Variants in PRH1 observed in about 807,000 individuals in gnomAD.
The protein encoded by PRH1 is salivary acidic proline-rich phosphoprotein 1/2.
Under a neutral mutation model 7.9 loss-of-function variants are expected in PRH1, and 7 were observed. The ratio of observed to expected loss-of-function variants is 0.89; its 90% CI spans 0.50 to 1.67. The LOEUF (loss-of-function observed/expected upper bound fraction) is 1.67, where lower values mean the gene tolerates loss of function less well. Among genes scored for constraint, PRH1 ranks in the 40% most tolerant of loss-of-function variants. PRH1 has a pLI of 0.00. For missense variants in PRH1, 109 were observed against 223.6 expected (o/e 0.49, Z 3.27); for synonymous variants, 45 against 80.8 (o/e 0.56, Z 2.38).
chr12:10,972,756 G>A (rs887977234), intron 2 of PRH1, among the ~76,000 whole-genome samples: 1 of 152,080 alleles, frequency 6.6e-6, no homozygotes, highest in African/African-American at 2.4e-5. Context: ...AAGTGAATTT[G>A]TTTTCCTCAG....
chr12:11,113,822 AC>A, intron 1 of PRH1, among the ~76,000 whole-genome samples: 1 of 152,136 alleles, frequency 6.6e-6, no homozygotes. Context: ...TAAACAAACA[AC>A]CCCATCAAAA....
intron 1 of PRH1, among the ~76,000 whole-genome samples, chr12:11,063,877 C>A (rs761681727): frequency 8.6e-5 from 13 of 152,026 alleles, no homozygotes; most frequent in Non-Finnish European, 1.6e-4. Context: ...AGTTGTATAA[C>A]AATGTATACA....
intron 1 of PRH1, chr12:11,046,919 G>A (rs755962411): frequency 4.9e-5 from 21 of 428,908 alleles, no homozygotes; most frequent in Middle Eastern, 6.8e-4. Context: ...GGCATCATCC[G>A]GAGATGATAC....
rs866841609 is a variant in PRH1 at position 11,087,326 on chromosome 12, T to A, written n.124-40138A>T. Among the ~76,000 whole-genome samples the A allele has an allele frequency of 1.4e-4, 17 of 117,428 alleles. 1 individual carries two copies. The South Asian group carries it at 3.9e-3, about 27-fold the overall frequency. The allele number at this position is 117,428 out of a possible 152,430, so 77.0% of individuals were successfully genotyped here. A position where few individuals can be genotyped will look rare whatever the true frequency, so the allele number is the denominator to read the frequency against. ...TATGTTGCAAAGGGAACTCCTGCTC[T>A]CAAGGGGTCCTCCCACCTTGGCCTC... On this transcript the variant is annotated intron_variant and non_coding_transcript_variant, in intron 1 of 4. Coordinates refer to the PRH1 transcript ENST00000541977.
At chr12:11,140,303 T>C (rs1467104761) in intron 1 of PRH1, among the ~76,000 whole-genome samples, 3 of 152,082 alleles carry the variant, frequency 2.0e-5, no homozygotes, top group Admixed American at 6.6e-5. Context: ...AATATAAAAA[T>C]AGACAACAAG....
upstream of PRH1, among the ~76,000 whole-genome samples, chr12:11,051,280 T>C (rs756634892): frequency 6.6e-6 from 1 of 152,178 alleles, no homozygotes; most frequent in Non-Finnish European, 1.5e-5. Flanking sequence ...GGAAACATCT[T>C]GTCAAATTTT....
At chr12:11,155,872 A>T (rs1947232967) in intron 1 of PRH1, among the ~76,000 whole-genome samples, 1 of 152,162 alleles carries the variant, frequency 6.6e-6, no homozygotes, top group Non-Finnish European at 1.5e-5. Flanking sequence ...TATGCATTGA[A>T]TTTGATACTC....
At chr12:11,107,101 T>C (rs1401672538) in intron 1 of PRH1, among the ~76,000 whole-genome samples, 4 of 152,006 alleles carry the variant, frequency 2.6e-5, no homozygotes, top group Non-Finnish European at 5.9e-5. Context: ...TCTCAAACAT[T>C]TGTGTCCTCC....
intron 1 of PRH1, among the ~76,000 whole-genome samples, chr12:11,127,467 A>T (rs1198550049): frequency 6.6e-6 from 1 of 152,296 alleles, no homozygotes; most frequent in African/African-American, 2.4e-5. Flanking sequence ...TCAATGCCAG[A>T]TTTATGGAGA....
chr12:11,020,194 A>C (rs1444349828), intron 1 of PRH1, among the ~76,000 whole-genome samples: 1 of 152,252 alleles, frequency 6.6e-6, no homozygotes, highest in Non-Finnish European at 1.5e-5. Context: ...CTGATTTACC[A>C]CATCAAATTA....
At chr12:11,140,258 C>T (rs1260950649) in intron 1 of PRH1, among the ~76,000 whole-genome samples, 2 of 151,868 alleles carry the variant, frequency 1.3e-5, no homozygotes. Flanking sequence ...GATTGTTTAA[C>T]AACTCCTAAA....
At chr12:10,923,085 C>G (rs1247127555) in intron 2 of PRH1, among the ~76,000 whole-genome samples, 1 of 150,912 alleles carries the variant, frequency 6.6e-6, no homozygotes, top group Non-Finnish European at 1.5e-5. Flanking sequence ...GCCTCGGCCT[C>G]CCAAAGTGCT....
intron 2 of PRH1, chr12:10,930,137 CAG>C (rs761939341): frequency 6.9e-5 from 74 of 1,074,406 alleles, no homozygotes; most frequent in Non-Finnish European, 9.4e-5. Flanking sequence ...CCGGTAGCAT[CAG>C]AGAGTGGCTG....
Position 11,096,147 on chromosome 12 carries a change from C to T in PRH1, n.124-48959G>A, listed in dbSNP as rs868083951. 2.9e-4 allele frequency among the ~76,000 whole-genome samples: 34 copies of T among 116,164 alleles called. 8 individuals carry two copies. Among genetic ancestry groups the T allele is most frequent in the Admixed American group, 5.2e-4 (6 of 11,586 alleles). The allele number at this position is 116,164 out of a possible 152,430, so 76.2% of individuals were successfully genotyped here. ...CACTTTTGGAAAAATCTCCACATTG[C>T]TTCTGCCCCATTTGCTCTCTTCTAA... On this transcript the variant is annotated intron_variant and non_coding_transcript_variant, in intron 1 of 4. Transcript: ENST00000541977.
At chr12:11,022,233 G>C (rs759942495) in intron 1 of PRH1, 1 of 1,614,148 alleles carries the variant, frequency 6.2e-7, no homozygotes, top group Non-Finnish European at 8.5e-7. Flanking sequence ...TAAGGTTGGA[G>C]AAATTGGCAA....
At chr12:10,995,373 T>A (rs1439400351) in intron 1 of PRH1, among the ~76,000 whole-genome samples, 2 of 152,104 alleles carry the variant, frequency 1.3e-5, no homozygotes, top group Non-Finnish European at 2.9e-5. Flanking sequence ...TATCTTAAGG[T>A]TTAGATAATA....
chr12:11,067,779 C>G (rs1943890212), intron 1 of PRH1, among the ~76,000 whole-genome samples: 2 of 152,162 alleles, frequency 1.3e-5, no homozygotes. Context: ...GGGAGAATTA[C>G]TTGAGCCTGG....
intron 2 of PRH1, chr12:10,895,669 G>A (rs1024902031): frequency 6.6e-6 from 1 of 152,118 alleles, no homozygotes; most frequent in African/African-American, 2.4e-5. Context: ...TTTTCTCATA[G>A]CCTATATTGA....
At chr12:11,070,344 T>G (rs542254954) in intron 1 of PRH1, among the ~76,000 whole-genome samples, 3 of 151,782 alleles carry the variant, frequency 2.0e-5, no homozygotes, top group African/African-American at 7.3e-5. Flanking sequence ...GTAAACACAC[T>G]GCGCATGCTC....
Sources: gnomAD v4.1 joint callset for allele counts (sites outside exome capture counted in the v4.1 genomes callset) on GRCh38, gnomAD v4.1.1 for gene constraint, MANE v1.5 for transcripts, NCBI Gene and HGNC (gene_info 2026-07-23, HGNC 2026-07-21) for gene names.